CDCA7L: variants seen among roughly 807,000 people sequenced by gnomAD.
The protein encoded by CDCA7L is cell division cycle associated 7 like.
In CDCA7L, 44 loss-of-function variants were observed where a neutral mutation model predicts 57.4. The observed-to-expected ratio is 0.77, with a 90% CI of 0.60 to 0.98. The LOEUF is 0.98. CDCA7L is among the 50% of genes least tolerant of loss of function. CDCA7L has a pLI of 0.00. For synonymous variants in CDCA7L, 236 were observed against 202.8 expected, an observed-to-expected ratio of 1.16 and a Z score of -1.39; for missense variants, 644 against 580.6, an observed-to-expected ratio of 1.11 and a Z score of -1.12.
At chr7:21,926,950 C>A (rs1785850100) in intron 1 of CDCA7L, among the ~76,000 whole-genome samples, 1 of 152,044 alleles carries the variant, frequency 6.6e-6, no homozygotes, top group African/African-American at 2.4e-5. Flanking sequence ...ACACACAGGT[C>A]CAGGCAAGAC....
At chr7:21,921,962 G>C (rs1785668091) in intron 1 of CDCA7L, among the ~76,000 whole-genome samples, 2 of 152,068 alleles carry the variant, frequency 1.3e-5, no homozygotes, top group African/African-American at 4.8e-5. Context: ...AATTCTATGA[G>C]AACACAGGTA....
chr7:21,902,224 A>G lies in CDCA7L; in HGVS notation c.*98T>C. 9.1e-7 allele frequency: 1 copy of G among 1,103,244 alleles called. No individual in the cohort carries two copies. Among genetic ancestry groups the G allele is most frequent in the Non-Finnish European group, 1.4e-6 (1 of 740,066 alleles). 68.3% of individuals were successfully genotyped at this position (1,103,244 alleles called of 1,614,324 possible). Reference sequence around the variant, plus strand: ...AATTTCTACAAAGAATTTCTGTATAAAAACACAACTGTAAAAAAATCTTTC... The same window carrying G: ...AATTTCTACAAAGAATTTCTGTATAGAAACACAACTGTAAAAAAATCTTTC... On this transcript the variant is annotated 3_prime_UTR_variant, in exon 10 of 10. Coordinates refer to ENST00000406877, the MANE Select transcript of CDCA7L (RefSeq NM_018719.5).
chr7:21,906,657 A>G lies in CDCA7L; in HGVS notation c.682-18T>C, dbSNP rs759260501. On this transcript the variant is annotated intron_variant, in intron 4 of 9. Coordinates refer to ENST00000406877, the MANE Select transcript of CDCA7L (RefSeq NM_018719.5). Reference sequence around the variant, plus strand: ...TGGGCAAGCTGAAGTTCAGAACAAAAGAAAGAATCTTACAAAAATAGGGCT... The same window carrying G: ...TGGGCAAGCTGAAGTTCAGAACAAAGGAAAGAATCTTACAAAAATAGGGCT... 119 of 1,612,998 alleles carry G rather than the reference A, an allele frequency of 7.4e-5. No individual in the cohort carries two copies. The highest frequency in any genetic ancestry group is 9.9e-5 in the Non-Finnish European group (117 of 1,179,818).
intron 1 of CDCA7L, among the ~76,000 whole-genome samples, chr7:21,920,909 CT>C (rs1007495625): frequency 2.0e-5 from 3 of 152,202 alleles, no homozygotes; most frequent in African/African-American, 7.2e-5. Context: ...CAATTTCAGT[CT>C]TTTTCTTTTG....
At chr7:21,931,884 A>G (rs1786029623) in intron 1 of CDCA7L, among the ~76,000 whole-genome samples, 1 of 152,270 alleles carries the variant, frequency 6.6e-6, no homozygotes. Flanking sequence ...CTGTTTGCAG[A>G]TGACATGACT....
chr7:21,901,430 C>T lies in CDCA7L; in HGVS notation c.*892G>A. The T allele has an allele frequency of 1.1e-6, 1 of 901,962 alleles. No individual in the cohort carries two copies. Among genetic ancestry groups the T allele is most frequent in the Non-Finnish European group, 1.5e-6 (1 of 663,038 alleles). 55.9% of individuals were successfully genotyped at this position (901,962 alleles called of 1,614,324 possible). ...AAAAATACTAGAAACTAACTCAGGG[C>T]TGAGCGTGGTGGCACACGACTGTAA... is the stretch of plus-strand genomic sequence containing the variant. On this transcript the variant is annotated 3_prime_UTR_variant, in exon 10 of 10. Coordinates refer to ENST00000406877, the MANE Select transcript of CDCA7L (RefSeq NM_018719.5).
In CDCA7L at chr7:21,901,802, GTCAAGTTTTAATAAAAATAA is replaced by G. The variant is rs1241253588; in HGVS notation, c.*500_*519del. 1 of 164,318 alleles carries G rather than the reference GTCAAGTTTTAATAAAAATAA, an allele frequency of 6.1e-6. No individual in the cohort carries two copies. Among genetic ancestry groups the G allele is most frequent in the African/African-American group, 2.4e-5 (1 of 41,572 alleles). The allele number at this position is 164,318 out of a possible 1,614,324, so 10.2% of individuals were successfully genotyped here. Reference sequence around the variant, plus strand: ...AATGTTGATGGTCCCCTTTTGTTCAGTCAAGTTTTAATAAAAATAAAACTGTTCTACAGTTAATTGCACTT... The same window carrying G: ...AATGTTGATGGTCCCCTTTTGTTCAGAACTGTTCTACAGTTAATTGCACTT... On this transcript the variant is annotated 3_prime_UTR_variant, in exon 10 of 10. Coordinates refer to ENST00000406877, the MANE Select transcript of CDCA7L (RefSeq NM_018719.5).
At position 21,930,200 on chromosome 7, in the gene CDCA7L, C is replaced by T. The variant is rs566128264; in HGVS notation, c.25-13306G>A. Among the ~76,000 whole-genome samples, 3 of 152,294 alleles carry T rather than the reference C, an allele frequency of 2.0e-5. No homozygotes were observed. In the South Asian group the frequency reaches 6.2e-4, roughly 32 times the overall value. On this transcript the variant is annotated intron_variant, in intron 1 of 9. Coordinates refer to ENST00000406877, the MANE Select transcript of CDCA7L (RefSeq NM_018719.5). ...GCACAACTACATTGAAACTGAACAA[C>T]CTGCTCCTGAATGACTACAGGGTAA...
intron 1 of CDCA7L, among the ~76,000 whole-genome samples, chr7:21,944,467 AAAAAG>A (rs1437248814): frequency 6.9e-6 from 1 of 145,198 alleles, no homozygotes; most frequent in Admixed American, 6.9e-5. Flanking sequence ...AAAAAAAAAA[AAAAAG>A]GATGCTAATA....
intron 1 of CDCA7L, among the ~76,000 whole-genome samples, chr7:21,922,160 A>ATT (rs1785673261): frequency 6.6e-6 from 1 of 152,166 alleles, no homozygotes; most frequent in Admixed American, 6.5e-5. Flanking sequence ...GGAATTAAAA[A>ATT]TTTTCACCCA....
chr7:21,933,949 A>AAG (rs1459791510), intron 1 of CDCA7L, among the ~76,000 whole-genome samples: 5 of 151,958 alleles, frequency 3.3e-5, no homozygotes, highest in Admixed American at 1.3e-4. Flanking sequence ...AAAAAAAAAA[A>AAG]CTGCCCTTCA....
At chr7:21,936,175 T>C (rs1786156163) in intron 1 of CDCA7L, among the ~76,000 whole-genome samples, 1 of 152,106 alleles carries the variant, frequency 6.6e-6, no homozygotes, top group Non-Finnish European at 1.5e-5. Context: ...AATAAGGATT[T>C]TAAGTAGTAA....
chr7:21,916,376 G>A (rs867100535), intron 2 of CDCA7L, among the ~76,000 whole-genome samples: 1 of 152,040 alleles, frequency 6.6e-6, no homozygotes, highest in Non-Finnish European at 1.5e-5. Flanking sequence ...AGGTGTAATT[G>A]TCTCCCCGTA....
intron 1 of CDCA7L, among the ~76,000 whole-genome samples, chr7:21,939,110 C>A (rs1347126215): frequency 1.3e-5 from 2 of 152,020 alleles, no homozygotes. Flanking sequence ...AGGACAAATA[C>A]CATATGATTC....
chr7:21,906,226 C>A (rs1264927188), intron 6 of CDCA7L, 63 bp downstream of exon 6: 3 of 1,476,224 alleles, frequency 2.0e-6, no homozygotes, highest in Non-Finnish European at 2.8e-6. Context: ...CAGTGACGTG[C>A]GTTCACGTTT....
At position 21,915,377 on chromosome 7, in the gene CDCA7L, T is replaced by C. The variant is rs113640546; in HGVS notation, c.165+1377A>G. Among the ~76,000 whole-genome samples the C allele has an allele frequency of 1.9e-3, 281 of 151,690 alleles. 1 individual carries two copies. The highest frequency in any genetic ancestry group is 0.01 in the Middle Eastern group (3 of 294). On this transcript the variant is annotated intron_variant, in intron 2 of 9. Coordinates refer to ENST00000406877, the MANE Select transcript of CDCA7L (RefSeq NM_018719.5). ...CTGGGGCTGGAGAGAGAAGACAAGCTCCACAAAAGAATACAGTAACAGCTC... is the reference window on the plus strand; with the variant it reads ...CTGGGGCTGGAGAGAGAAGACAAGCCCCACAAAAGAATACAGTAACAGCTC...
At chr7:21,942,793 T>C (rs548435727) in intron 1 of CDCA7L, among the ~76,000 whole-genome samples, 1 of 152,290 alleles carries the variant, frequency 6.6e-6, no homozygotes, top group Admixed American at 6.5e-5. Flanking sequence ...AGGAGCGTTT[T>C]AAATACAAGA....
intron 1 of CDCA7L, among the ~76,000 whole-genome samples, chr7:21,917,359 T>A (rs1221233329): frequency 6.6e-6 from 1 of 152,222 alleles, no homozygotes; most frequent in Non-Finnish European, 1.5e-5. Flanking sequence ...AGAAAGTTCA[T>A]ACAATGAAAT....
In CDCA7L at chr7:21,930,693, G is replaced by A. The variant is rs1468271149; in HGVS notation, c.25-13799C>T. On this transcript the variant is annotated intron_variant, in intron 1 of 9. Coordinates refer to ENST00000406877, the MANE Select transcript of CDCA7L (RefSeq NM_018719.5). ...AGCCCCGGCAACAGTGCAAGACTCC[G>A]TCTCAAAAAAAAAAAAAAAAAAAAA... Among the ~76,000 whole-genome samples the A allele has an allele frequency of 3.4e-4, 26 of 75,714 alleles. No homozygotes were observed. In the East Asian group the frequency reaches 6.0e-3, roughly 17 times the overall value. 49.7% of individuals were successfully genotyped at this position (75,714 alleles called of 152,430 possible).
Sources: gnomAD v4.1 joint callset for allele counts (sites outside exome capture counted in the v4.1 genomes callset) on GRCh38, gnomAD v4.1.1 for gene constraint, MANE v1.5 for transcripts, NCBI Gene and HGNC (gene_info 2026-07-23, HGNC 2026-07-21) for gene names.